NELL1: variants seen among roughly 807,000 people sequenced by gnomAD.
NELL1 encodes protein kinase C-binding protein NELL1.
In NELL1, 76 loss-of-function variants were observed where a neutral mutation model predicts 107.4. That is an observed-to-expected ratio of 0.71 (90% CI 0.59 to 0.86). NELL1 has a LOEUF of 0.86. NELL1 is among the 40% of genes least tolerant of loss of function. The pLI is 0.00. For synonymous variants in NELL1, 353 were observed against 341.2 expected, an observed-to-expected ratio of 1.03 and a Z score of -0.38; for missense variants, 1,024 against 1,005.5, an observed-to-expected ratio of 1.02 and a Z score of -0.25.
At chr11:20,759,836 T>G (rs1856380374) in intron 2 of NELL1, among the ~76,000 whole-genome samples, 1 of 152,166 alleles carries the variant, frequency 6.6e-6, no homozygotes, top group Admixed American at 6.5e-5. Context: ...AGCAGAGTGT[T>G]CCTGGGTCCA....
intron 3 of NELL1, among the ~76,000 whole-genome samples, chr11:20,800,917 G>A (rs182800316): frequency 9.9e-5 from 15 of 152,260 alleles, no homozygotes; most frequent in African/African-American, 3.1e-4. Flanking sequence ...GCTTTCCTTG[G>A]TTGTGATGGC....
chr11:21,137,944 C>T (rs1035973940), intron 13 of NELL1, among the ~76,000 whole-genome samples: 3 of 152,160 alleles, frequency 2.0e-5, no homozygotes, highest in Admixed American at 1.3e-4. Context: ...CGAAAACCAG[C>T]GCTACCCTAT....
chr11:21,550,566 C>A (rs1229254352), intron 16 of NELL1, among the ~76,000 whole-genome samples: 4 of 151,934 alleles, frequency 2.6e-5, no homozygotes, highest in African/African-American at 9.7e-5. Flanking sequence ...TATGGCTAGC[C>A]AGTTTTCCCA....
At chr11:21,266,774 C>T (rs978167009) in intron 14 of NELL1, among the ~76,000 whole-genome samples, 12 of 151,972 alleles carry the variant, frequency 7.9e-5, no homozygotes, top group African/African-American at 2.2e-4. Flanking sequence ...AGTTATAGCA[C>T]GTGTCAAAAC....
intron 14 of NELL1, among the ~76,000 whole-genome samples, chr11:21,252,108 A>G (rs903071453): frequency 3.3e-5 from 5 of 152,176 alleles, no homozygotes; most frequent in Non-Finnish European, 5.9e-5. Flanking sequence ...TCATTATTCT[A>G]TTTATAGATG....
chr11:21,513,735 A>G (rs1855493850), intron 15 of NELL1, among the ~76,000 whole-genome samples: 1 of 152,232 alleles, frequency 6.6e-6, no homozygotes. Flanking sequence ...TAATTTAAGT[A>G]TCATGGAGAT....
chr11:21,353,840 T>A (rs1163391374), intron 14 of NELL1, among the ~76,000 whole-genome samples: 10 of 152,184 alleles, frequency 6.6e-5, no homozygotes, highest in Non-Finnish European at 1.2e-4. Flanking sequence ...TTAAAAGTAG[T>A]AAATTTTCAA....
At chr11:21,181,186 G>A (rs961648211) in intron 13 of NELL1, among the ~76,000 whole-genome samples, 2 of 151,856 alleles carry the variant, frequency 1.3e-5, no homozygotes, top group Non-Finnish European at 2.9e-5. Flanking sequence ...GCTGACATGT[G>A]AAGATGAGTA....
At chr11:21,327,311 A>G (rs886380326) in intron 14 of NELL1, among the ~76,000 whole-genome samples, 1 of 151,788 alleles carries the variant, frequency 6.6e-6, no homozygotes, top group African/African-American at 2.4e-5. Flanking sequence ...TAACCTGCAC[A>G]TTGTGCACAT....
At chr11:21,007,307 C>T (rs1432259974) in intron 12 of NELL1, among the ~76,000 whole-genome samples, 3 of 152,108 alleles carry the variant, frequency 2.0e-5, no homozygotes, top group African/African-American at 7.2e-5. Context: ...GATCTCTCCT[C>T]TGCAGAAGAC....
chr11:21,226,142 A>C (rs183419974), intron 13 of NELL1, among the ~76,000 whole-genome samples: 167 of 152,332 alleles, frequency 1.1e-3, no homozygotes, highest in African/African-American at 3.9e-3. Flanking sequence ...TGTCTCTATT[A>C]AACACAGTTT....
chr11:21,270,058 T>A (rs1026175206), intron 14 of NELL1, among the ~76,000 whole-genome samples: 1 of 151,998 alleles, frequency 6.6e-6, no homozygotes, highest in Non-Finnish European at 1.5e-5. Flanking sequence ...AGTATATTGC[T>A]ATGCTAAGAA....
intron 15 of NELL1, among the ~76,000 whole-genome samples, chr11:21,414,096 G>A (rs571150669): frequency 2.0e-5 from 3 of 152,176 alleles, no homozygotes; most frequent in Admixed American, 1.3e-4. Context: ...GAGCTACTGT[G>A]ATTATTACCC....
intron 19 of NELL1, among the ~76,000 whole-genome samples, chr11:21,574,204 G>C (rs1210675930): frequency 6.6e-6 from 1 of 151,788 alleles, no homozygotes; most frequent in East Asian, 2.0e-4. Context: ...TCAGCTTCAA[G>C]CATCAGTGGA....
chr11:20,759,134 T>C (rs1856362651), intron 2 of NELL1, among the ~76,000 whole-genome samples: 1 of 152,232 alleles, frequency 6.6e-6, no homozygotes. Flanking sequence ...AACTCTGTCT[T>C]CCTCTACTTT....
intron 12 of NELL1, among the ~76,000 whole-genome samples, chr11:20,979,587 G>A (rs1359907264): frequency 6.6e-6 from 1 of 152,204 alleles, no homozygotes; most frequent in Non-Finnish European, 1.5e-5. Flanking sequence ...TCAGAGAATG[G>A]CGTATTCTGC....
At chr11:21,423,423 A>T (rs923033979) in intron 15 of NELL1, among the ~76,000 whole-genome samples, 3 of 152,162 alleles carry the variant, frequency 2.0e-5, no homozygotes, top group East Asian at 3.8e-4. Context: ...TTTCAATATA[A>T]CATGAATATA....
Position 20,669,623 on chromosome 11 carries a change from A to G in NELL1, c.-101A>G. The G allele has an allele frequency of 1.0e-6, 1 of 999,870 alleles. No homozygotes were observed. Among genetic ancestry groups the G allele is most frequent in the Non-Finnish European group, 1.5e-6 (1 of 650,402 alleles). 61.9% of individuals were successfully genotyped at this position (999,870 alleles called of 1,614,324 possible). On this transcript the variant is annotated 5_prime_UTR_variant, in exon 1 of 20. Transcript: ENST00000357134. The surrounding 1 kb of genome is among the most constrained non-coding windows in gnomAD (Gnocchi z 4.4). Reference sequence around the variant, plus strand: ...CGAGCCACCTCCCCCGCCGCCCGCTAGCAAGTTTGGCGGCTCCAAGCCAGG... The same window carrying G: ...CGAGCCACCTCCCCCGCCGCCCGCTGGCAAGTTTGGCGGCTCCAAGCCAGG...
At chr11:21,486,480 T>A (rs1854635364) in intron 15 of NELL1, among the ~76,000 whole-genome samples, 1 of 152,172 alleles carries the variant, frequency 6.6e-6, no homozygotes. Context: ...GCAAAAAGCC[T>A]TCTCCTATGA....
Sources: gnomAD v4.1 joint callset for allele counts (sites outside exome capture counted in the v4.1 genomes callset) on GRCh38, gnomAD v4.1.1 for gene constraint, Gnocchi (gnomAD v3.1) non-coding constraint, MANE v1.5 for transcripts, NCBI Gene and HGNC (gene_info 2026-07-23, HGNC 2026-07-21) for gene names.